The following UBE3C variants were observed in gnomAD, a reference collection of about 807,000 sequenced individuals.
UBE3C encodes the protein ubiquitin protein ligase E3C.
UBE3C carries 42 observed loss-of-function variants against 129.4 expected under a neutral mutation model. The ratio of observed to expected loss-of-function variants is 0.32; its 90% CI spans 0.25 to 0.42. The LOEUF (loss-of-function observed/expected upper bound fraction) is 0.42. Among genes scored for constraint, UBE3C ranks in the 10% least tolerant of loss-of-function variants. UBE3C has a pLI of 1.00. For missense variants in UBE3C, 1,049 were observed against 1,319.1 expected, an observed-to-expected ratio of 0.80 and a Z score of 3.17; for synonymous variants, 510 against 492.4, an observed-to-expected ratio of 1.04 and a Z score of -0.47.
chr7:157,258,930 C>A (rs188906784), intron 22 of UBE3C, among the ~76,000 whole-genome samples: 68 of 152,346 alleles, frequency 4.5e-4, no homozygotes, highest in Non-Finnish European at 5.7e-4. Context: ...TCATGCATTT[C>A]TTTCCTGAAT....
At chr7:157,248,212 A>T (rs1796531224) in intron 18 of UBE3C, among the ~76,000 whole-genome samples, 156 bp from the exon 19 acceptor site, 1 of 152,184 alleles carries the variant, frequency 6.6e-6, no homozygotes, top group African/African-American at 2.4e-5. Flanking sequence ...GGAGCACAGT[A>T]CCTGCCCACT....
In UBE3C at chr7:157,213,010, G is replaced by A. The variant is rs144349300; in HGVS notation, c.1810-3857G>A. 4.7e-3 allele frequency among the ~76,000 whole-genome samples: 715 copies of A among 152,130 alleles called. 5 individuals carry two copies. The highest frequency in any genetic ancestry group is 0.016 in the African/African-American group (659 of 41,504). On this transcript the variant is annotated intron_variant, in intron 13 of 22. Coordinates refer to ENST00000348165, the MANE Select transcript of UBE3C (RefSeq NM_014671.3). ...TAGGCTCGAGTGATCTGCCTGCCTC[G>A]GCCTCCCAAAATGCTAGGATTACAG...
At chr7:157,158,139 G>A (rs1352771418) in intron 1 of UBE3C, among the ~76,000 whole-genome samples, 1 of 142,076 alleles carries the variant, frequency 7.0e-6, no homozygotes, top group African/African-American at 2.6e-5. Context: ...GTGATCTCCT[G>A]CCTCAGCCTC....
intron 13 of UBE3C, among the ~76,000 whole-genome samples, chr7:157,211,255 A>G (rs561923200): frequency 1.3e-5 from 2 of 151,832 alleles, no homozygotes; most frequent in South Asian, 4.2e-4. Flanking sequence ...TCAGTTCCAA[A>G]AAGCTATTTT....
At chr7:157,230,365 A>G (rs998294743) in intron 17 of UBE3C, among the ~76,000 whole-genome samples, 4 of 152,062 alleles carry the variant, frequency 2.6e-5, no homozygotes, top group African/African-American at 9.7e-5. Flanking sequence ...GCCACAGACA[A>G]AATACACTAA....
intron 19 of UBE3C, among the ~76,000 whole-genome samples, chr7:157,253,443 C>T (rs894338508): frequency 2.0e-5 from 3 of 152,232 alleles, no homozygotes; most frequent in Non-Finnish European, 4.4e-5. Context: ...TCTGTTATCA[C>T]TGATCGTTAC....
intron 17 of UBE3C, among the ~76,000 whole-genome samples, chr7:157,229,709 C>G (rs2116633630): frequency 6.6e-6 from 1 of 152,244 alleles, no homozygotes; most frequent in East Asian, 1.9e-4. Context: ...CTCACTGCAG[C>G]CTCAAACTCC....
At chr7:157,225,264 A>G in intron 16 of UBE3C, 143 bp from the exon 17 acceptor site, 1 of 855,156 alleles carries the variant, frequency 1.2e-6, no homozygotes, top group Non-Finnish European at 1.7e-6. Flanking sequence ...TTATTGATAA[A>G]AATCAAGATT....
rs115503011 is a variant in UBE3C at position 157,261,406 on chromosome 7, A to G, written c.3081+4362A>G. ...CCCCGCACAATCATAATTGAGTTAT[A>G]CCGTGGAAAACACTTTGAGCATCCA... On this transcript the variant is annotated intron_variant, in intron 22 of 22. Transcript: ENST00000348165. Among the ~76,000 whole-genome samples the G allele has an allele frequency of 2.2e-3, 333 of 151,676 alleles. 1 individual carries two copies. The highest frequency in any genetic ancestry group is 7.6e-3 in the African/African-American group (316 of 41,352).
chr7:157,232,778 T>C (rs1796055521), intron 18 of UBE3C, among the ~76,000 whole-genome samples: 1 of 152,262 alleles, frequency 6.6e-6, no homozygotes, highest in Admixed American at 6.5e-5. Flanking sequence ...TGGTTCTGTT[T>C]TCCGAGAAGC....
chr7:157,218,455 T>TAA (rs986599602), intron 14 of UBE3C, among the ~76,000 whole-genome samples: 2 of 135,102 alleles, frequency 1.5e-5, no homozygotes, highest in African/African-American at 5.5e-5. Context: ...TCTCAAAAAA[T>TAA]AAAAAAAAAA....
intron 13 of UBE3C, among the ~76,000 whole-genome samples, chr7:157,213,979 C>T (rs13234625): frequency 0.046 from 6,982 of 152,160 alleles, 214 homozygotes; most frequent in Non-Finnish European, 0.071. Flanking sequence ...TAAATATAAA[C>T]ATATTATTTG....
intron 18 of UBE3C, among the ~76,000 whole-genome samples, chr7:157,247,165 C>T (rs1007556137): frequency 6.6e-6 from 1 of 152,162 alleles, no homozygotes; most frequent in East Asian, 1.9e-4. Flanking sequence ...GGATTACAGG[C>T]GTGAGCCACC....
chr7:157,200,310 GT>G (rs59869013), intron 10 of UBE3C, among the ~76,000 whole-genome samples: 19,406 of 152,066 alleles, frequency 0.13, 3,530 homozygotes, highest in African/African-American at 0.41. Context: ...TAAGAATGGA[GT>G]TTAGTTGTTG....
chr7:157,196,082 G>C (rs11980541), intron 10 of UBE3C, among the ~76,000 whole-genome samples: 72,282 of 152,020 alleles, frequency 0.48, 19,800 homozygotes, highest in African/African-American at 0.77. Flanking sequence ...CCTCTCCAGG[G>C]TGGTGTCAGA....
rs1474505984 is a variant in UBE3C, at chr7:157,253,986, C to A, written c.2727C>A (p.Ile909=). The A allele has an allele frequency of 6.3e-7, 1 of 1,598,080 alleles. No homozygotes were observed. The highest frequency in any genetic ancestry group is 1.7e-5 in the Admixed American group (1 of 57,638). ...AACTAAAATTCGGTGGGAAAGACAT[C>A]CCTGTCACCAGCGCCAACCGGATTG... ...VVELKFGGKD[I]PVTSANRIAY... Residue 909 remains isoleucine, a synonymous_variant, in exon 20 of 23, where the codon ATC becomes ATA. Transcript: ENST00000348165.
In UBE3C at chr7:157,268,240, A is replaced by G. The variant is rs1044939877; in HGVS notation, c.*485A>G. 6.7e-6 allele frequency: 1 copy of G among 150,134 alleles called. No individual in the cohort carries two copies. The highest frequency in any genetic ancestry group is 2.5e-5 in the African/African-American group (1 of 40,754). The allele number at this position is 150,134 out of a possible 1,614,324, so 9.3% of individuals were successfully genotyped here. On this transcript the variant is annotated 3_prime_UTR_variant, in exon 23 of 23. Transcript: ENST00000348165. ...AAGCCTCATTATTAAAACTGAAGGCATTTTTTTTTTCTGCTGCCTTTCCCA... is the reference window on the plus strand; with the variant it reads ...AAGCCTCATTATTAAAACTGAAGGCGTTTTTTTTTTCTGCTGCCTTTCCCA...
intron 1 of UBE3C, among the ~76,000 whole-genome samples, chr7:157,144,302 A>C (rs142723951): frequency 6.6e-6 from 1 of 152,354 alleles, no homozygotes; most frequent in East Asian, 1.9e-4. Context: ...TCTCTTAAAA[A>C]ATAAGGCAGG....
chr7:157,163,771 A>C, intron 1 of UBE3C, 39 bp from the exon 2 acceptor site: 1 of 1,598,580 alleles, frequency 6.3e-7, no homozygotes, highest in South Asian at 1.1e-5. Context: ...TAAAATTGAA[A>C]TTATAACCTT....
Sources: gnomAD v4.1 joint callset for allele counts (sites outside exome capture counted in the v4.1 genomes callset) on GRCh38, gnomAD v4.1.1 for gene constraint, MANE v1.5 for transcripts, NCBI Gene and HGNC (gene_info 2026-07-23, HGNC 2026-07-21) for gene names.